Variants in ZNF503 observed in about 807,000 individuals in gnomAD.
The protein encoded by ZNF503 is zinc finger protein 503.
In ZNF503, 15 loss-of-function variants were observed where a neutral mutation model predicts 34.4. The ratio of observed to expected loss-of-function variants is 0.44; its 90% CI spans 0.29 to 0.67. The LOEUF (loss-of-function observed/expected upper bound fraction) is 0.67. ZNF503 is among the 30% of genes least tolerant of loss of function. ZNF503 has a pLI of 0.13. For synonymous variants in ZNF503, 580 were observed against 456.8 expected, an observed-to-expected ratio of 1.27 and a Z score of -3.44; for missense variants, 1,007 against 926.8, an observed-to-expected ratio of 1.09 and a Z score of -1.12.
At chr10:75,289,461 T>G in the ZNF503 span, among the ~76,000 whole-genome samples, 1 of 152,194 alleles carries the variant, frequency 6.6e-6, no homozygotes. Flanking sequence ...ATGGTTTGTC[T>G]CTGAGACTTC....
chr10:75,339,367 G>C, the ZNF503 span, among the ~76,000 whole-genome samples: 1 of 152,240 alleles, frequency 6.6e-6, no homozygotes, highest in African/African-American at 2.4e-5. Context: ...ATGGGGGCTA[G>C]AGTCAGGCAT....
In ZNF503 at chr10:75,400,105, A is replaced by ACCGCCTCCACCG. The variant is rs775565347; in HGVS notation, c.573_584dup (p.Gly201_Gly204dup). On this transcript the variant is annotated inframe_insertion, in exon 2 of 2. Coordinates refer to ENST00000372524, the MANE Select transcript of ZNF503 (RefSeq NM_032772.6). ...CCCCGCCGCCGCCCCCGCCACCGCC[A>ACCGCCTCCACCG]CCGCCTCCACCGCCGCCTCCCGGCT... is the stretch of plus-strand genomic sequence containing the variant. 11 of 926,168 alleles carry ACCGCCTCCACCG rather than the reference A, an allele frequency of 1.2e-5. No individual in the cohort carries two copies. The African/African-American group carries it at 2.3e-4, about 20-fold the overall frequency. 57.4% of individuals were successfully genotyped at this position (926,168 alleles called of 1,614,324 possible).
chr10:75,298,933 C>G, the ZNF503 span: 1 of 135,276 alleles, frequency 7.4e-6, no homozygotes, highest in Admixed American at 7.4e-5. Context: ...GTATGTTTAA[C>G]TTTTTTTTTT....
the ZNF503 span, chr10:75,296,611 G>C: frequency 0.018 from 2,788 of 152,334 alleles, 80 homozygotes; most frequent in African/African-American, 0.064. Flanking sequence ...TGGTGGAGAT[G>C]AATGAGTCCT....
At position 75,401,332 on chromosome 10, in the gene ZNF503, G is replaced by T. The variant is rs1197708527; in HGVS notation, c.88C>A (p.Pro30Thr). ...GGGGGGGGADPAWTSALSGNS... is the reference protein window; with the variant it reads ...GGGGGGGGADTAWTSALSGNS... ...CCAGAGAGCGCGCTGGTCCAGGCAG[G>T]GTCTGCACCGCCGCCTCCGCCTCCG... The change falls in exon 1 of 2, where the codon CCT becomes ACT. Residue 30 changes from proline to threonine, a missense_variant. Coordinates refer to ENST00000372524, the MANE Select transcript of ZNF503 (RefSeq NM_032772.6). 2 of 1,453,872 alleles carry T rather than the reference G, an allele frequency of 1.4e-6. No homozygotes were observed. The highest frequency in any genetic ancestry group is 1.9e-6 in the Non-Finnish European group (2 of 1,067,114). The allele number at this position is 1,453,872 out of a possible 1,614,324, so 90.1% of individuals were successfully genotyped here.
chr10:75,286,873 G>GCA, the ZNF503 span, among the ~76,000 whole-genome samples: 9 of 152,314 alleles, frequency 5.9e-5, no homozygotes, highest in African/African-American at 1.9e-4. Flanking sequence ...TCATAGTTGT[G>GCA]TGTGAACTGT....
At chr10:75,329,324 G>GTT in the ZNF503 span, among the ~76,000 whole-genome samples, 1 of 149,898 alleles carries the variant, frequency 6.7e-6, no homozygotes, top group Non-Finnish European at 1.5e-5. Context: ...CACTTTCAGG[G>GTT]TTTTTTTTTC....
the ZNF503 span, among the ~76,000 whole-genome samples, chr10:75,354,908 C>T: frequency 1.2e-4 from 18 of 152,268 alleles, no homozygotes; most frequent in African/African-American, 2.9e-4. Flanking sequence ...TGCAGGGGCA[C>T]GATCTCGGCT....
chr10:75,398,744 C>T lies in ZNF503; in HGVS notation c.*5G>A. On this transcript the variant is annotated 3_prime_UTR_variant, in exon 2 of 2. Coordinates refer to ENST00000372524, the MANE Select transcript of ZNF503 (RefSeq NM_032772.6). Reference sequence around the variant, plus strand: ...CCTCTCCCTCGCTCGCCCTCCCGGCCGCCCTCACTGATACCCCAGCGCCGA... The same window carrying T: ...CCTCTCCCTCGCTCGCCCTCCCGGCTGCCCTCACTGATACCCCAGCGCCGA... 7.3e-7 allele frequency: 1 copy of T among 1,378,144 alleles called. No individual in the cohort carries two copies. Among genetic ancestry groups the T allele is most frequent in the Non-Finnish European group, 9.3e-7 (1 of 1,070,122 alleles). The allele number at this position is 1,378,144 out of a possible 1,614,324, so 85.4% of individuals were successfully genotyped here. A position where few individuals can be genotyped will look rare whatever the true frequency, so the allele number is the denominator to read the frequency against.
the ZNF503 span, among the ~76,000 whole-genome samples, chr10:75,340,413 G>A: frequency 6.6e-6 from 1 of 152,194 alleles, no homozygotes; most frequent in Non-Finnish European, 1.5e-5. Context: ...TTCTAGGAAT[G>A]TGTTCTAAGA....
chr10:75,307,001 A>G, the ZNF503 span, among the ~76,000 whole-genome samples: 1 of 151,994 alleles, frequency 6.6e-6, no homozygotes, highest in Non-Finnish European at 1.5e-5. Context: ...ATATTAGGCC[A>G]ATTCAAATTA....
intron 1 of ZNF503, 31 bp from the exon 2 acceptor site, chr10:75,400,405 C>T (rs1428496578): frequency 6.3e-7 from 1 of 1,577,058 alleles, no homozygotes. Flanking sequence ...GGGGGAGCGT[C>T]ACACAGAGAA....
the ZNF503 span, among the ~76,000 whole-genome samples, chr10:75,363,373 G>GA: frequency 6.6e-6 from 1 of 152,112 alleles, no homozygotes; most frequent in Non-Finnish European, 1.5e-5. Context: ...TTCTCTGTGG[G>GA]GTCCAGGAGC....
At chr10:75,301,364 CT>C in the ZNF503 span, among the ~76,000 whole-genome samples, 1 of 152,126 alleles carries the variant, frequency 6.6e-6, no homozygotes, top group African/African-American at 2.4e-5. Context: ...CCTCAGCCTC[CT>C]GAGTAGTTGG....
chr10:75,357,640 T>G, the ZNF503 span, among the ~76,000 whole-genome samples: 2 of 152,196 alleles, frequency 1.3e-5, no homozygotes, highest in Admixed American at 1.3e-4. Flanking sequence ...GTTAGCAGAT[T>G]GAATGGCGCA....
chr10:75,330,960 T>A, the ZNF503 span, among the ~76,000 whole-genome samples: 3 of 152,202 alleles, frequency 2.0e-5, no homozygotes, highest in African/African-American at 7.2e-5. Flanking sequence ...CTTTTTCTAC[T>A]TTTTTGATGT....
rs1401354141 is a variant in ZNF503, at chr10:75,397,961, T to C, written c.*788A>G. ...GGGTGGACTTAAAAATTAAAAATAG[T>C]TAAGTGTTCCTTTTAAAGAACAAAA... On this transcript the variant is annotated 3_prime_UTR_variant, in exon 2 of 2. Transcript: ENST00000372524. 1 of 152,662 alleles carries C rather than the reference T, an allele frequency of 6.6e-6. No individual in the cohort carries two copies. The highest frequency in any genetic ancestry group is 1.5e-5 in the Non-Finnish European group (1 of 68,046). The allele number at this position is 152,662 out of a possible 1,614,324, so 9.5% of individuals were successfully genotyped here.
Position 75,399,472 on chromosome 10 carries a change from C to T in ZNF503, c.1218G>A (p.Lys406=), listed in dbSNP as rs764477621. Residue 406 remains lysine (K), a synonymous_variant, in exon 2 of 2, where the codon AAG becomes AAA. Coordinates refer to ENST00000372524, the MANE Select transcript of ZNF503 (RefSeq NM_032772.6). Reference sequence around the variant, plus strand: ...CGGCCAAAGGGCTGGAGCCGGCCGGCTTACTGCAGCCCAGAGACCCGGCCG... The same window carrying T: ...CGGCCAAAGGGCTGGAGCCGGCCGGTTTACTGCAGCCCAGAGACCCGGCCG... ...AAAAGSLGCS[K]PAGSSPLAGA... 1.3e-6 allele frequency: 2 copies of T among 1,580,970 alleles called. No homozygotes were observed. Among genetic ancestry groups the T allele is most frequent in the Non-Finnish European group, 1.7e-6 (2 of 1,170,098 alleles).
chr10:75,351,869 C>T, the ZNF503 span, among the ~76,000 whole-genome samples: 10 of 152,318 alleles, frequency 6.6e-5, no homozygotes, highest in Admixed American at 5.9e-4. Flanking sequence ...TGCTTTACCT[C>T]TCTGGGCCTC....
Sources: gnomAD v4.1 joint callset for allele counts (sites outside exome capture counted in the v4.1 genomes callset) on GRCh38, gnomAD v4.1.1 for gene constraint, MANE v1.5 for transcripts, NCBI Gene and HGNC (gene_info 2026-07-23, HGNC 2026-07-21) for gene names.